The following RNF38 variants were observed in gnomAD, a reference collection of about 807,000 sequenced individuals.
RNF38 encodes ring finger protein 38, also known as E3 ubiquitin-protein ligase RNF38.
RNF38 carries 15 observed loss-of-function variants against 67.2 expected under a neutral mutation model. The observed-to-expected ratio is 0.22, with a 90% CI of 0.15 to 0.34. The LOEUF (loss-of-function observed/expected upper bound fraction) is 0.34. Ranked by LOEUF, RNF38 falls within the 10% of genes least tolerant of loss-of-function variation. RNF38 has a pLI of 1.00. For synonymous variants in RNF38, 220 were observed against 218.8 expected (o/e 1.01, Z -0.05); for missense variants, 524 against 639.9 (o/e 0.82, Z 1.95).
chr9:36,481,920 G>C (rs1226249123), intron 1 of RNF38, among the ~76,000 whole-genome samples: 1 of 152,182 alleles, frequency 6.6e-6, no homozygotes, highest in Non-Finnish European at 1.5e-5. Context: ...AGGAATGCTA[G>C]TGCAGGGGGA....
At chr9:36,476,019 A>G (rs1236689113) in intron 1 of RNF38, among the ~76,000 whole-genome samples, 10 of 151,884 alleles carry the variant, frequency 6.6e-5, no homozygotes, top group African/African-American at 1.4e-4. Flanking sequence ...CAAAAAAAAA[A>G]AAAAAAAGAA....
intron 1 of RNF38, among the ~76,000 whole-genome samples, chr9:36,447,735 G>A (rs1283818911): frequency 6.6e-6 from 1 of 152,170 alleles, no homozygotes; most frequent in African/African-American, 2.4e-5. Context: ...AACATAGGAA[G>A]AATGGCCAAC....
At chr9:36,353,063 G>T in intron 7 of RNF38, 107 bp downstream of exon 7, 3 of 1,042,260 alleles carry the variant, frequency 2.9e-6, no homozygotes, top group Non-Finnish European at 4.3e-6. Context: ...ACTGAATGCT[G>T]TCGAGAATAC....
chr9:36,483,616 A>T (rs1840332098), intron 1 of RNF38, among the ~76,000 whole-genome samples: 1 of 152,206 alleles, frequency 6.6e-6, no homozygotes, highest in Admixed American at 6.5e-5. Context: ...CTTGAGGGAT[A>T]ATCAGTTGTC....
chr9:36,384,044 G>C (rs1334942377), intron 2 of RNF38, among the ~76,000 whole-genome samples: 1 of 152,090 alleles, frequency 6.6e-6, no homozygotes, highest in Non-Finnish European at 1.5e-5. Flanking sequence ...ACAGACTAGT[G>C]ATGTTATATA....
chr9:36,395,934 G>A (rs563799967), intron 1 of RNF38, among the ~76,000 whole-genome samples: 4 of 152,228 alleles, frequency 2.6e-5, no homozygotes, highest in African/African-American at 9.6e-5. Context: ...ATGATCATAA[G>A]GTAGGGTTAT....
intron 1 of RNF38, among the ~76,000 whole-genome samples, chr9:36,462,444 C>T (rs1839755604): frequency 6.6e-6 from 1 of 152,128 alleles, no homozygotes; most frequent in South Asian, 2.1e-4. Flanking sequence ...TACCATATAT[C>T]ACCACTCCTC....
chr9:36,476,891 G>A (rs1840133072), intron 1 of RNF38, among the ~76,000 whole-genome samples: 1 of 152,072 alleles, frequency 6.6e-6, no homozygotes, highest in South Asian at 2.1e-4. Context: ...TTAGAGGAAA[G>A]GACAGCTTAC....
At chr9:36,479,641 T>C (rs748619696) in intron 1 of RNF38, among the ~76,000 whole-genome samples, 3 of 152,124 alleles carry the variant, frequency 2.0e-5, no homozygotes, top group Non-Finnish European at 2.9e-5. Context: ...ACAAAAGCTA[T>C]CATCCTAATT....
chr9:36,417,900 A>G (rs1838515809), intron 2 of RNF38, among the ~76,000 whole-genome samples: 1 of 152,234 alleles, frequency 6.6e-6, no homozygotes, highest in Non-Finnish European at 1.5e-5. Context: ...ACCAAGGTAC[A>G]ATCAAGGAAC....
chr9:36,445,889 A>G (rs1399583097), intron 1 of RNF38, among the ~76,000 whole-genome samples: 2 of 152,208 alleles, frequency 1.3e-5, no homozygotes, highest in Non-Finnish European at 2.9e-5. Flanking sequence ...TTCAACTATC[A>G]GGCTCAAACG....
At chr9:36,461,501 T>C (rs1839733149) in intron 1 of RNF38, among the ~76,000 whole-genome samples, 1 of 152,090 alleles carries the variant, frequency 6.6e-6, no homozygotes, top group African/African-American at 2.4e-5. Flanking sequence ...TCAAGTGCAA[T>C]GGGATGCCAC....
At chr9:36,348,458 G>T (rs945388609) in intron 9 of RNF38, among the ~76,000 whole-genome samples, 1 of 152,144 alleles carries the variant, frequency 6.6e-6, no homozygotes, top group Non-Finnish European at 1.5e-5. Context: ...GGGTGACAGA[G>T]TAAGACCCTG....
chr9:36,358,664 T>C (rs765248508), intron 4 of RNF38, among the ~76,000 whole-genome samples: 7 of 152,228 alleles, frequency 4.6e-5, no homozygotes, highest in Non-Finnish European at 1.0e-4. Context: ...TATCAACACA[T>C]GTTCAAATTG....
rs768267417 is a variant in RNF38, at chr9:36,353,336, G to A, written c.910-5C>T. The stretch of plus-strand genomic sequence containing the variant: ...ATTTTCTATCCTTTGCAGAGGCTGA[G>A]GAGGGGGAAAAAAAAACACATATAT... On this transcript the variant is annotated splice_region_variant and splice_polypyrimidine_tract_variant and intron_variant, in intron 6 of 11. Coordinates refer to ENST00000259605, the MANE Select transcript of RNF38 (RefSeq NM_022781.5). The A allele has an allele frequency of 4.5e-6, 7 of 1,572,254 alleles. No individual in the cohort carries two copies. Among genetic ancestry groups the A allele is most frequent in the Middle Eastern group, 2.0e-4 (1 of 5,088 alleles).
chr9:36,384,766 G>A (rs1836474944), intron 2 of RNF38, among the ~76,000 whole-genome samples: 1 of 152,184 alleles, frequency 6.6e-6, no homozygotes, highest in South Asian at 2.1e-4. Context: ...TTTAGGCTAA[G>A]GAAATGATGT....
chr9:36,437,892 T>C (rs1466817502), intron 1 of RNF38, among the ~76,000 whole-genome samples: 1 of 152,136 alleles, frequency 6.6e-6, no homozygotes, highest in Admixed American at 6.5e-5. Flanking sequence ...GCCTAAGAAA[T>C]TTTACAAAAA....
chr9:36,479,586 C>A (rs1840200388), intron 1 of RNF38, among the ~76,000 whole-genome samples: 2 of 152,118 alleles, frequency 1.3e-5, no homozygotes, highest in South Asian at 2.1e-4. Context: ...TTGAATTGCA[C>A]CCCTCTATGC....
At chr9:36,465,712 G>A (rs147647861) in intron 1 of RNF38, among the ~76,000 whole-genome samples, 16 of 152,154 alleles carry the variant, frequency 1.1e-4, no homozygotes, top group African/African-American at 2.9e-4. Flanking sequence ...TGATGAATGG[G>A]TAAAGTATGA....
Sources: allele counts gnomAD v4.1 joint callset (sites outside exome capture counted in the v4.1 genomes callset), GRCh38; gene constraint gnomAD v4.1.1; transcripts MANE v1.5; gene names NCBI Gene and HGNC (gene_info 2026-07-23, HGNC 2026-07-21).